The following UMODL1 variants were observed in gnomAD, a reference collection of about 807,000 sequenced individuals.
UMODL1 encodes uromodulin like 1, also known as uromodulin-like 1.
In UMODL1, 128 loss-of-function variants were observed where a neutral mutation model predicts 136.3. That is an observed-to-expected ratio of 0.94 (90% CI 0.81 to 1.09). The LOEUF (loss-of-function observed/expected upper bound fraction) is 1.09, where lower values mean the gene tolerates loss of function less well. Among genes scored for constraint, UMODL1 ranks in the 50% least tolerant of loss-of-function variants. The pLI is 0.00. For synonymous variants in UMODL1, 721 were observed against 720.0 expected, an observed-to-expected ratio of 1.00 and a Z score of -0.02; for missense variants, 1,766 against 1,725.6, an observed-to-expected ratio of 1.02 and a Z score of -0.41.
intron 1 of UMODL1, 48 bp from the exon 2 acceptor site, chr21:42,075,957 G>C: frequency 3.7e-6 from 6 of 1,606,900 alleles, no homozygotes; most frequent in Non-Finnish European, 5.1e-6. Context: ...CGCTCGCACG[G>C]ATCTGATCCT....
At chr21:42,118,595 C>T (rs2066928191) in intron 14 of UMODL1, among the ~76,000 whole-genome samples, 1 of 152,104 alleles carries the variant, frequency 6.6e-6, no homozygotes, top group African/African-American at 2.4e-5. Context: ...GTTGGAAATG[C>T]TCACAGGAAG....
intron 5 of UMODL1, among the ~76,000 whole-genome samples, chr21:42,089,306 C>T (rs368459999): frequency 2.0e-5 from 3 of 152,234 alleles, no homozygotes; most frequent in African/African-American, 7.2e-5. Flanking sequence ...AATGCCAGGG[C>T]TCAGAGCCGT....
chr21:42,106,144 CTT>C (rs1474633515), intron 9 of UMODL1, among the ~76,000 whole-genome samples: 1 of 152,208 alleles, frequency 6.6e-6, no homozygotes, highest in Admixed American at 6.5e-5. Context: ...CCTCTGCACT[CTT>C]TTGACTCCAT....
At chr21:42,112,864 T>C (rs1345367244) in intron 12 of UMODL1, 2 of 149,262 alleles carry the variant, frequency 1.3e-5, no homozygotes, top group Non-Finnish European at 3.0e-5. Flanking sequence ...GTTATGCACC[T>C]CTAGTCATAC....
chr21:42,090,708 G>A (rs2066481751), intron 6 of UMODL1, among the ~76,000 whole-genome samples: 1 of 152,180 alleles, frequency 6.6e-6, no homozygotes. Flanking sequence ...TCAAATCCTA[G>A]AAAACAGCAG....
intron 20 of UMODL1, among the ~76,000 whole-genome samples, chr21:42,129,485 C>T (rs1251464908): frequency 6.6e-6 from 1 of 152,118 alleles, no homozygotes; most frequent in East Asian, 1.9e-4. Flanking sequence ...TCTTGCAGAC[C>T]TCACTTCCTT....
rs1169209989 is a variant in UMODL1 at position 42,102,227 on chromosome 21, C to T, written c.1248C>T (p.Leu416=). Reference sequence around the variant, plus strand: ...ACCACAACCTGACGGAGAAGTTACTCAACCGCAGCAGTGTGGAGTACCAGG... The same window carrying T: ...ACCACAACCTGACGGAGAAGTTACTTAACCGCAGCAGTGTGGAGTACCAGG... ...IVNHNLTEKL[L]NRSSVEYQDF... The change falls in exon 8 of 23, where the codon CTC becomes CTT. Residue 416 remains leucine, a synonymous_variant. Coordinates refer to ENST00000408910, the MANE Select transcript of UMODL1 (RefSeq NM_001004416.3). 1 of 1,613,754 alleles carries T rather than the reference C, an allele frequency of 6.2e-7. No homozygotes were observed. The highest frequency in any genetic ancestry group is 8.5e-7 in the Non-Finnish European group (1 of 1,179,872).
chr21:42,073,397 G>A (rs1199784937), intron 1 of UMODL1, among the ~76,000 whole-genome samples: 7 of 152,142 alleles, frequency 4.6e-5, no homozygotes, highest in African/African-American at 1.4e-4. Flanking sequence ...AGGACCTCCC[G>A]TTCCTTTGCA....
At position 42,109,716 on chromosome 21, in the gene UMODL1, C is replaced by G. The variant is rs776525105; in HGVS notation, c.1657+17C>G. 2.5e-6 allele frequency: 4 copies of G among 1,598,140 alleles called. No individual in the cohort carries two copies. Among genetic ancestry groups the G allele is most frequent in the Non-Finnish European group, 2.5e-6 (3 of 1,179,038 alleles). ...CCTGTGAGGGTACGTGTCGACCCCCCTGCCGACTCTGGGAAGACCCCCTGC... is the reference window on the plus strand; with the variant it reads ...CCTGTGAGGGTACGTGTCGACCCCCGTGCCGACTCTGGGAAGACCCCCTGC... On this transcript the variant is annotated intron_variant, in intron 10 of 22. Transcript: ENST00000408910.
At chr21:42,087,304 A>G (rs939985206) in intron 4 of UMODL1, among the ~76,000 whole-genome samples, 2 of 152,074 alleles carry the variant, frequency 1.3e-5, no homozygotes, top group Non-Finnish European at 2.9e-5. Context: ...CCAGTTCTGT[A>G]TGCTAAATTA....
intron 18 of UMODL1, 140 bp downstream of exon 18, chr21:42,126,630 CA>C: frequency 7.3e-7 from 1 of 1,368,108 alleles, no homozygotes. Context: ...GGCTGCTCCC[CA>C]AATTTTGTTC....
chr21:42,082,415 G>A (rs985476967), intron 2 of UMODL1, among the ~76,000 whole-genome samples: 4 of 152,292 alleles, frequency 2.6e-5, no homozygotes, highest in Admixed American at 1.3e-4. Flanking sequence ...TAGTCTTCTG[G>A]GCTCTGAGAG....
intron 22 of UMODL1, among the ~76,000 whole-genome samples, chr21:42,137,966 C>A (rs923526298): frequency 3.3e-5 from 5 of 152,028 alleles, no homozygotes; most frequent in Non-Finnish European, 5.9e-5. Context: ...CAACCAGGAG[C>A]AGGCAGAGAG....
chr21:42,106,522 G>C (rs142816266), intron 9 of UMODL1, among the ~76,000 whole-genome samples: 1 of 152,142 alleles, frequency 6.6e-6, no homozygotes, highest in Admixed American at 6.5e-5. Context: ...GAGGGGTCAG[G>C]TTGTCGTGAC....
intron 17 of UMODL1, among the ~76,000 whole-genome samples, chr21:42,124,695 G>C (rs1476454152): frequency 6.6e-6 from 1 of 152,108 alleles, no homozygotes; most frequent in Admixed American, 6.5e-5. Context: ...CTCATCGGGA[G>C]CTAGGCAGGA....
upstream of UMODL1, among the ~76,000 whole-genome samples, chr21:42,067,597 G>A (rs775880971): frequency 6.6e-6 from 1 of 152,236 alleles, no homozygotes; most frequent in Non-Finnish European, 1.5e-5. Flanking sequence ...TCCACTGTGA[G>A]GCATGCAGGG....
At chr21:42,119,396 T>C in intron 15 of UMODL1, 72 bp downstream of exon 15, 1 of 1,443,766 alleles carries the variant, frequency 6.9e-7, no homozygotes. Flanking sequence ...CCACCACCCT[T>C]CGCTTTTGAA....
chr21:42,096,410 G>A lies in UMODL1; in HGVS notation c.932-2516G>A, dbSNP rs752406549. 3.9e-5 allele frequency among the ~76,000 whole-genome samples: 6 copies of A among 152,108 alleles called. No individual in the cohort carries two copies. In the South Asian group the frequency reaches 8.3e-4, roughly 21 times the overall value. On this transcript the variant is annotated intron_variant, in intron 6 of 22. Coordinates refer to ENST00000408910, the MANE Select transcript of UMODL1 (RefSeq NM_001004416.3). Reference sequence around the variant, plus strand: ...CATCCAGTGATCCAAAAACCCCCTGGCATCTTAATTTAAAGAGTAAATATA... The same window carrying A: ...CATCCAGTGATCCAAAAACCCCCTGACATCTTAATTTAAAGAGTAAATATA...
At chr21:42,138,677 G>A (rs1411004879) in intron 22 of UMODL1, among the ~76,000 whole-genome samples, 1 of 152,010 alleles carries the variant, frequency 6.6e-6, no homozygotes. Flanking sequence ...CCAGGTTAAA[G>A]CGATTCTCCT....
Sources: gnomAD v4.1 joint callset for allele counts (sites outside exome capture counted in the v4.1 genomes callset) on GRCh38, gnomAD v4.1.1 for gene constraint, MANE v1.5 for transcripts, NCBI Gene and HGNC (gene_info 2026-07-23, HGNC 2026-07-21) for gene names.